The following GUCY2C variants were observed in gnomAD, a reference collection of about 807,000 sequenced individuals.
The protein encoded by GUCY2C is guanylyl cyclase C.
Under a neutral mutation model 131.1 loss-of-function variants are expected in GUCY2C, and 118 were observed. That is an observed-to-expected ratio of 0.90 (90% CI 0.78 to 1.05). GUCY2C has a LOEUF of 1.05. Among genes scored for constraint, GUCY2C ranks in the 50% least tolerant of loss-of-function variants. The pLI, the probability that GUCY2C is intolerant of heterozygous loss-of-function variation, is 0.00. For synonymous variants in GUCY2C, 452 were observed against 457.8 expected (o/e 0.99, Z 0.16); for missense variants, 1,161 against 1,304.4 (o/e 0.89, Z 1.69).
At chr12:14,692,785 G>A (rs1008304256) in intron 1 of GUCY2C, among the ~76,000 whole-genome samples, 2 of 152,150 alleles carry the variant, frequency 1.3e-5, no homozygotes, top group African/African-American at 4.8e-5. Context: ...GGAGGCGGAG[G>A]TTGTGGTGAA....
intron 10 of GUCY2C, chr12:14,666,094 C>G (rs1294537910): frequency 6.6e-6 from 1 of 152,304 alleles, no homozygotes; most frequent in Non-Finnish European, 1.5e-5. Context: ...GAGGCGGTGT[C>G]TGATTTATAT....
At chr12:14,685,593 T>A (rs368915759) in intron 3 of GUCY2C, among the ~76,000 whole-genome samples, 1 of 152,168 alleles carries the variant, frequency 6.6e-6, no homozygotes, top group African/African-American at 2.4e-5. Context: ...ATGGAAGAGA[T>A]GAGGGTGATT....
intron 4 of GUCY2C, among the ~76,000 whole-genome samples, chr12:14,682,776 C>T (rs745675980): frequency 3.9e-5 from 6 of 152,132 alleles, no homozygotes; most frequent in South Asian, 4.1e-4. Flanking sequence ...CTTCAGATAA[C>T]GTACTGCAGG....
At chr12:14,631,789 C>A (rs1308654539) in intron 19 of GUCY2C, among the ~76,000 whole-genome samples, 3 of 150,038 alleles carry the variant, frequency 2.0e-5, no homozygotes, top group Admixed American at 2.0e-4. Context: ...AGTTCTAGAT[C>A]CCTGAGGAAT....
intron 19 of GUCY2C, among the ~76,000 whole-genome samples, chr12:14,635,587 A>G (rs1007221006): frequency 2.0e-5 from 3 of 152,150 alleles, no homozygotes. Flanking sequence ...TCGTAGAGGG[A>G]AAGAAATAAT....
chr12:14,625,552 C>G (rs1374122052), intron 21 of GUCY2C, among the ~76,000 whole-genome samples: 2 of 152,010 alleles, frequency 1.3e-5, no homozygotes, highest in Non-Finnish European at 2.9e-5. Context: ...CCAGGATGGT[C>G]TTGATCTCCT....
chr12:14,687,966 T>C lies in GUCY2C; in HGVS notation c.315A>G (p.Leu105=). The stretch of plus-strand genomic sequence containing the variant: ...AAATACTTACTGAAATTTTCCTGAG[T>C]AGGTCGAGGCCTTCACAGGTGCTAC... ...CRSSTCEGLD[L]LRKISNAQRM... The change falls in exon 2 of 27, where the codon CTA becomes CTG. Residue 105 remains leucine, a synonymous_variant. Coordinates refer to ENST00000261170, the MANE Select transcript of GUCY2C (RefSeq NM_004963.4). 1 of 1,603,744 alleles carries C rather than the reference T, an allele frequency of 6.2e-7. No homozygotes were observed. The highest frequency in any genetic ancestry group is 8.5e-7 in the Non-Finnish European group (1 of 1,170,552).
At chr12:14,675,207 C>CAAAA (rs35870014) in intron 7 of GUCY2C, among the ~76,000 whole-genome samples, 14 of 34,744 alleles carry the variant, frequency 4.0e-4, no homozygotes, top group East Asian at 9.0e-4. Flanking sequence ...AACTCCATCT[C>CAAAA]AAAAAAAAAA....
chr12:14,665,603 T>C (rs1378811040), intron 10 of GUCY2C: 1 of 152,234 alleles, frequency 6.6e-6, no homozygotes, highest in East Asian at 1.9e-4. Flanking sequence ...ATGCAGGAAG[T>C]CAGTTTGACG....
intron 8 of GUCY2C, chr12:14,674,379 A>G (rs1354624058): frequency 1.9e-6 from 1 of 529,562 alleles, no homozygotes; most frequent in South Asian, 2.0e-5. Context: ...GTTCATAAGT[A>G]CAGAACCTGC....
chr12:14,632,443 A>C (rs1420146757), intron 19 of GUCY2C, among the ~76,000 whole-genome samples: 1 of 152,192 alleles, frequency 6.6e-6, no homozygotes, highest in Non-Finnish European at 1.5e-5. Context: ...AAAAGGAAAA[A>C]TAATTAGAAA....
Position 14,645,152 on chromosome 12 carries a change from A to G in GUCY2C, c.1797+77T>C, listed in dbSNP as rs1947494974. 13 of 793,082 alleles carry G rather than the reference A, an allele frequency of 1.6e-5. No homozygotes were observed. In the Admixed American group the frequency reaches 2.7e-4, roughly 17 times the overall value. The allele number at this position is 793,082 out of a possible 1,614,324, so 49.1% of individuals were successfully genotyped here. A position where few individuals can be genotyped will look rare whatever the true frequency, so the allele number is the denominator to read the frequency against. On this transcript the variant is annotated intron_variant, in intron 16 of 26. Coordinates refer to ENST00000261170, the MANE Select transcript of GUCY2C (RefSeq NM_004963.4). ...ATTTTACAGATGAAGAAACCAATGC[A>G]CAGAAGGTTGAATAACTTGTTAGAT... is the stretch of plus-strand genomic sequence containing the variant.
intron 15 of GUCY2C, among the ~76,000 whole-genome samples, chr12:14,649,563 G>A (rs1447722640): frequency 6.6e-6 from 1 of 151,984 alleles, no homozygotes; most frequent in African/African-American, 2.4e-5. Flanking sequence ...TACACAAAAA[G>A]CATAACACAA....
At position 14,695,928 on chromosome 12, in the gene GUCY2C, A is replaced by G. The variant is rs193183528; in HGVS notation, c.217+304T>C. Among the ~76,000 whole-genome samples, 818 of 152,182 alleles carry G rather than the reference A, an allele frequency of 5.4e-3. 6 individuals are homozygous for G. The highest frequency in any genetic ancestry group is 8.2e-3 in the Non-Finnish European group (558 of 68,010). On this transcript the variant is annotated intron_variant, in intron 1 of 26. Coordinates refer to ENST00000261170, the MANE Select transcript of GUCY2C (RefSeq NM_004963.4). ...TTCCTTGGCCTCCTAAATTGCTGAG[A>G]TTACAGACGTGAGCCACCACATCTG... is the stretch of plus-strand genomic sequence containing the variant.
Position 14,625,760 on chromosome 12 carries a change from G to A in GUCY2C, c.2405C>T (p.Pro802Leu). Reference protein sequence around the residue: ...RADRLNFMLLPRLVVKSLKEK... With the variant: ...RADRLNFMLLLRLVVKSLKEK... ...ACATCAGCAAGGCTTGCCTTACCTT[G>A]GAAGCAACATAAAGTTAAGTCTGTC... The change falls in exon 21 of 27, where the codon CCA (proline) becomes CTA (leucine). Residue 802 changes from proline to leucine, a missense_variant. Transcript: ENST00000261170. The A allele has an allele frequency of 6.2e-7, 1 of 1,613,760 alleles. No individual in the cohort carries two copies. Among genetic ancestry groups the A allele is most frequent in the Non-Finnish European group, 8.5e-7 (1 of 1,179,788 alleles).
chr12:14,695,646 CT>C (rs1948643397), intron 1 of GUCY2C, among the ~76,000 whole-genome samples: 1 of 148,634 alleles, frequency 6.7e-6, no homozygotes, highest in Non-Finnish European at 1.5e-5. Context: ...AGACAAATGT[CT>C]TTCTCTGGAT....
At chr12:14,684,419 C>G (rs2137097061) in intron 3 of GUCY2C, among the ~76,000 whole-genome samples, 1 of 152,202 alleles carries the variant, frequency 6.6e-6, no homozygotes, top group East Asian at 1.9e-4. Flanking sequence ...ACAATCGCAT[C>G]TCCTTCATAA....
At chr12:14,649,720 T>C (rs988873947) in intron 15 of GUCY2C, among the ~76,000 whole-genome samples, 2 of 152,164 alleles carry the variant, frequency 1.3e-5, no homozygotes, top group African/African-American at 4.8e-5. Context: ...AATACAAATT[T>C]CTAGGAATAA....
In GUCY2C at chr12:14,651,521, C is replaced by G; in HGVS notation, c.1606-10G>C. Reference sequence around the variant, plus strand: ...AGTCAATCTGAAGCAACTAGAAGAACGTGTTTGTTTACAAAGCAAATTAGG... The same window carrying G: ...AGTCAATCTGAAGCAACTAGAAGAAGGTGTTTGTTTACAAAGCAAATTAGG... On this transcript the variant is annotated splice_polypyrimidine_tract_variant and intron_variant, in intron 14 of 26. Coordinates refer to ENST00000261170, the MANE Select transcript of GUCY2C (RefSeq NM_004963.4). 13 of 1,491,682 alleles carry G rather than the reference C, an allele frequency of 8.7e-6. No individual in the cohort carries two copies. Among genetic ancestry groups the G allele is most frequent in the Non-Finnish European group, 1.1e-5 (12 of 1,072,066 alleles). 92.4% of individuals were successfully genotyped at this position (1,491,682 alleles called of 1,614,324 possible).
Sources: allele counts gnomAD v4.1 joint callset (sites outside exome capture counted in the v4.1 genomes callset), GRCh38; gene constraint gnomAD v4.1.1; transcripts MANE v1.5; gene names NCBI Gene and HGNC (gene_info 2026-07-23, HGNC 2026-07-21).